JAM3: variants seen among roughly 807,000 people sequenced by gnomAD.
The protein encoded by JAM3 is junctional adhesion molecule 3.
JAM3 carries 31 observed loss-of-function variants against 39.4 expected under a neutral mutation model. That is an observed-to-expected ratio of 0.79 (90% CI 0.59 to 1.06). The LOEUF is 1.06. Among genes scored for constraint, JAM3 ranks in the 50% least tolerant of loss-of-function variants. JAM3 has a pLI of 0.00. For missense variants in JAM3, 455 were observed against 391.4 expected (o/e 1.16, Z -1.37); for synonymous variants, 182 against 148.7 (o/e 1.22, Z -1.63).
intron 1 of JAM3, among the ~76,000 whole-genome samples, chr11:134,100,314 G>A (rs1942051346): frequency 6.6e-6 from 1 of 152,168 alleles, no homozygotes; most frequent in Non-Finnish European, 1.5e-5. Flanking sequence ...AACATACAGT[G>A]TTCTTTGCTG....
intron 1 of JAM3, among the ~76,000 whole-genome samples, chr11:134,072,445 T>G (rs76745913): frequency 0.033 from 4,999 of 152,190 alleles, 117 homozygotes; most frequent in Non-Finnish European, 0.052. Flanking sequence ...TAGCTGAGAT[T>G]ACAGATGCGT....
chr11:134,078,999 A>G (rs2120585184), intron 1 of JAM3, among the ~76,000 whole-genome samples: 1 of 152,038 alleles, frequency 6.6e-6, no homozygotes, highest in African/African-American at 2.4e-5. Flanking sequence ...AGATCACGCC[A>G]TTGTACTCCA....
chr11:134,129,803 A>G (rs1321876804), intron 1 of JAM3, among the ~76,000 whole-genome samples: 2 of 152,178 alleles, frequency 1.3e-5, no homozygotes, highest in South Asian at 4.1e-4. Flanking sequence ...GGAGCGCGAG[A>G]CCAGCCTGGG....
intron 1 of JAM3, among the ~76,000 whole-genome samples, chr11:134,075,090 G>A (rs546092471): frequency 6.7e-6 from 1 of 150,288 alleles, no homozygotes; most frequent in South Asian, 2.1e-4. Context: ...TTATTTGGTA[G>A]TCTCCATTTT....
intron 1 of JAM3, among the ~76,000 whole-genome samples, chr11:134,102,960 T>G (rs1400942819): frequency 6.6e-6 from 1 of 152,184 alleles, no homozygotes; most frequent in African/African-American, 2.4e-5. Flanking sequence ...CCAGGAGAAC[T>G]TCCCCAACCT....
intron 6 of JAM3, chr11:134,147,662 G>A (rs694186): frequency 0.075 from 11,414 of 151,422 alleles, 850 homozygotes; most frequent in East Asian, 0.28. Flanking sequence ...AATTTTTTGT[G>A]TTTCTAGTAG....
intron 1 of JAM3, among the ~76,000 whole-genome samples, chr11:134,124,993 A>ATC (rs1942617085): frequency 6.6e-6 from 1 of 151,856 alleles, no homozygotes; most frequent in African/African-American, 2.4e-5. Context: ...CGGCGACGAC[A>ATC]CCCCCCAGCC....
chr11:134,115,173 A>C (rs1236093479), intron 1 of JAM3, among the ~76,000 whole-genome samples: 2 of 152,186 alleles, frequency 1.3e-5, no homozygotes, highest in Non-Finnish European at 2.9e-5. Context: ...GCTCTGAAAT[A>C]TACTTTGATA....
At chr11:134,131,415 T>TTAAAA (rs755288883) in intron 1 of JAM3, among the ~76,000 whole-genome samples, 37 of 151,840 alleles carry the variant, frequency 2.4e-4, no homozygotes, top group Admixed American at 5.3e-4. Flanking sequence ...AGTAATTTTT[T>TTAAAA]TAAAAAACAC....
rs753035977 is a variant in JAM3, at chr11:134,140,806, C to T, written c.256+36C>T. 23 of 1,588,470 alleles carry T rather than the reference C, an allele frequency of 1.4e-5. No homozygotes were observed. In the South Asian group the frequency reaches 1.9e-4, roughly 13 times the overall value. On this transcript the variant is annotated intron_variant, in intron 3 of 8. Transcript: ENST00000299106. Reference sequence around the variant, plus strand: ...GTAGTCCTCTTGCCTGCTGACCTTTCCTCTGTCCATAGACCTGGGTATACA... The same window carrying T: ...GTAGTCCTCTTGCCTGCTGACCTTTTCTCTGTCCATAGACCTGGGTATACA...
At chr11:134,140,505 A>T in intron 2 of JAM3, 152 bp from the exon 3 acceptor site, 1 of 675,912 alleles carries the variant, frequency 1.5e-6, no homozygotes, top group African/African-American at 1.8e-5. Context: ...CTGGCAAAAA[A>T]TCCTTTCTCA....
intron 1 of JAM3, among the ~76,000 whole-genome samples, chr11:134,076,440 C>T (rs1182873969): frequency 6.6e-6 from 1 of 152,120 alleles, no homozygotes; most frequent in African/African-American, 2.4e-5. Flanking sequence ...AGGTGTGAGC[C>T]ACCGCACCTG....
intron 6 of JAM3, chr11:134,148,001 G>A (rs1591810332): frequency 5.6e-6 from 1 of 177,844 alleles, no homozygotes; most frequent in Non-Finnish European, 1.2e-5. Flanking sequence ...AGGGTTCCAG[G>A]GGGTTTCCTC....
Position 134,145,984 on chromosome 11 carries a change from C to T in JAM3, c.651C>T (p.Tyr217=), listed in dbSNP as rs754605284. 6 of 1,613,860 alleles carry T rather than the reference C, an allele frequency of 3.7e-6. No homozygotes were observed. In the South Asian group the frequency reaches 6.6e-5, roughly 18 times the overall value. Residue 217 remains tyrosine (Y), a synonymous_variant, in exon 6 of 9, where the codon TAC becomes TAT. Coordinates refer to ENST00000299106, the MANE Select transcript of JAM3 (RefSeq NM_032801.5). ...TAVHKDDSGQ[Y]YCIASNDAGS... ...TTCACAAGGACGACTCTGGGCAGTA[C>T]TACTGCATTGCTTCCAATGACGCAG...
At chr11:134,109,346 G>A (rs1364244054) in intron 1 of JAM3, among the ~76,000 whole-genome samples, 3 of 151,986 alleles carry the variant, frequency 2.0e-5, no homozygotes, top group Non-Finnish European at 4.4e-5. Flanking sequence ...AAAAAATTAG[G>A]AAGAAGTAAA....
In JAM3 at chr11:134,149,321, C is replaced by G; in HGVS notation, c.*140C>G. On this transcript the variant is annotated 3_prime_UTR_variant, in exon 9 of 9. Coordinates refer to ENST00000299106, the MANE Select transcript of JAM3 (RefSeq NM_032801.5). ...AGCTTTTCGTTTTGGCCAAAGTTGACCACTACTCTTCTTACTCTAACAAGC... is the reference window on the plus strand; with the variant it reads ...AGCTTTTCGTTTTGGCCAAAGTTGAGCACTACTCTTCTTACTCTAACAAGC... 1.1e-6 allele frequency: 1 copy of G among 904,854 alleles called. No individual in the cohort carries two copies. Among genetic ancestry groups the G allele is most frequent in the Non-Finnish European group, 1.8e-6 (1 of 567,430 alleles). The allele number at this position is 904,854 out of a possible 1,614,324, so 56.1% of individuals were successfully genotyped here.
intron 3 of JAM3, among the ~76,000 whole-genome samples, chr11:134,142,830 T>C (rs1943000840): frequency 6.6e-6 from 1 of 152,188 alleles, no homozygotes; most frequent in Non-Finnish European, 1.5e-5. Flanking sequence ...TGGATTTGCC[T>C]GTTCTGGACA....
intron 1 of JAM3, among the ~76,000 whole-genome samples, chr11:134,097,356 C>A (rs1279427503): frequency 6.6e-6 from 1 of 152,206 alleles, no homozygotes; most frequent in Non-Finnish European, 1.5e-5. Flanking sequence ...GCCTTGCCTA[C>A]AGATTAATCC....
At chr11:134,124,297 A>T (rs950535957) in intron 1 of JAM3, 6 of 861,364 alleles carry the variant, frequency 7.0e-6, no homozygotes, top group Admixed American at 6.8e-5. Context: ...ATGTTCTCAC[A>T]GGAAATCTCC....
Sources: gnomAD v4.1 joint callset for allele counts (sites outside exome capture counted in the v4.1 genomes callset) on GRCh38, gnomAD v4.1.1 for gene constraint, MANE v1.5 for transcripts, NCBI Gene and HGNC (gene_info 2026-07-23, HGNC 2026-07-21) for gene names.